Variants in UBR4 observed in about 807,000 individuals in gnomAD.
UBR4 encodes E3 ubiquitin-protein ligase UBR4.
A neutral mutation model predicts 575.6 loss-of-function variants in UBR4; 124 were observed. The observed-to-expected ratio is 0.22, with a 90% CI of 0.19 to 0.25. The LOEUF is 0.25. Ranked by LOEUF, UBR4 falls within the 10% of genes least tolerant of loss-of-function variation. The pLI, the probability that UBR4 is intolerant of heterozygous loss-of-function variation, is 1.00. For synonymous variants in UBR4, 2,455 were observed against 2,473.7 expected (o/e 0.99, Z 0.22); for missense variants, 4,818 against 6,478.8 (o/e 0.74, Z 8.80).
rs931210923 is a variant in UBR4, at chr1:19,141,722, C to T, written c.8235G>A (p.Gly2745=). The change falls in exon 56 of 106, where the codon GGG becomes GGA. Residue 2745 remains glycine, a synonymous_variant. Transcript: ENST00000375254. The part of the protein sequence containing the change: ...DDADEKMQSS[G]IPNGGHIRQE... Reference sequence around the variant, plus strand: ...GACGGATGTGACCACCATTCGGGATCCCTGATGACTGCATTTTCTCATCTG... The same window carrying T: ...GACGGATGTGACCACCATTCGGGATTCCTGATGACTGCATTTTCTCATCTG... 7 of 1,614,126 alleles carry T rather than the reference C, an allele frequency of 4.3e-6. No homozygotes were observed. The highest frequency in any genetic ancestry group is 5.9e-6 in the Non-Finnish European group (7 of 1,180,058).
At chr1:19,079,596 A>G (rs1472734088) in intron 103 of UBR4, 1 of 152,248 alleles carries the variant, frequency 6.6e-6, no homozygotes, top group Non-Finnish European at 1.5e-5. Context: ...TGTCTCTGCT[A>G]CTACCCCTTA....
rs1240397035 is a variant in UBR4, at chr1:19,100,296, G to T, written c.13221+80C>A. The T allele has an allele frequency of 1.3e-6, 2 of 1,518,576 alleles. No individual in the cohort carries two copies. Among genetic ancestry groups the T allele is most frequent in the Non-Finnish European group, 1.8e-6 (2 of 1,101,688 alleles). The allele number at this position is 1,518,576 out of a possible 1,614,324, so 94.1% of individuals were successfully genotyped here. A position where few individuals can be genotyped will look rare whatever the true frequency, so the allele number is the denominator to read the frequency against. ...CCTGCCCCAAGTTAATCAGCTACTA[G>T]GAAGAAGCACCTGGATTTGGTTAGC... is the stretch of plus-strand genomic sequence containing the variant. On this transcript the variant is annotated intron_variant, in intron 89 of 105. Coordinates refer to ENST00000375254, the MANE Select transcript of UBR4 (RefSeq NM_020765.3). The surrounding 1 kb of genome is among the most constrained non-coding windows in gnomAD (Gnocchi z 4.2).
At chr1:19,176,025 G>C (rs752699562) in intron 20 of UBR4, among the ~76,000 whole-genome samples, 1 of 152,022 alleles carries the variant, frequency 6.6e-6, no homozygotes, top group Admixed American at 6.6e-5. Context: ...GGGTTCAAGC[G>C]ATCTTCCCAC....
chr1:19,190,306 A>T (rs1250469565), intron 11 of UBR4, among the ~76,000 whole-genome samples: 2 of 91,974 alleles, frequency 2.2e-5, no homozygotes, highest in East Asian at 9.7e-4. Flanking sequence ...AAAAAAAAAA[A>T]AAAAAAATAT....
chr1:19,163,653 G>A (rs984794474), intron 34 of UBR4, 111 bp downstream of exon 34: 3 of 1,161,184 alleles, frequency 2.6e-6, no homozygotes, highest in Non-Finnish European at 3.9e-6. Context: ...CCTTATCCTT[G>A]GTAGGCTAGC....
chr1:19,078,836 C>T (rs1013605604), intron 103 of UBR4: 2 of 152,180 alleles, frequency 1.3e-5, no homozygotes, highest in African/African-American at 4.8e-5. Flanking sequence ...CAGCAGAATT[C>T]TTGGTTTGAG....
intron 17 of UBR4, 35 bp downstream of exon 17, chr1:19,183,763 AAGCTGGTGTCATG>A (rs2091254591): frequency 6.4e-7 from 1 of 1,564,866 alleles, no homozygotes. Context: ...CAGCCTATGG[AAGCTGGTGTCATG>A]AGCTCTTGCC....
chr1:19,189,639 T>C (rs2151377668), intron 11 of UBR4, among the ~76,000 whole-genome samples: 1 of 152,350 alleles, frequency 6.6e-6, no homozygotes, highest in East Asian at 1.9e-4. Context: ...GGATCATTTT[T>C]ACCTTTCCTA....
intron 105 of UBR4, among the ~76,000 whole-genome samples, chr1:19,075,757 A>T (rs2075869968): frequency 6.6e-6 from 1 of 152,154 alleles, no homozygotes; most frequent in South Asian, 2.1e-4. Flanking sequence ...ACTGAGCAAC[A>T]CTCTAGCCCT....
chr1:19,175,690 G>A (rs2090168095), intron 20 of UBR4, among the ~76,000 whole-genome samples: 1 of 152,010 alleles, frequency 6.6e-6, no homozygotes, highest in Admixed American at 6.5e-5. Flanking sequence ...CAACTCTAAG[G>A]GAAAATAAGG....
chr1:19,187,288 T>C lies in UBR4; in HGVS notation c.1508A>G (p.Asp503Gly). 2.5e-6 allele frequency: 4 copies of C among 1,613,586 alleles called. No individual in the cohort carries two copies. The highest frequency in any genetic ancestry group is 1.7e-5 in the Admixed American group (1 of 59,968). Residue 503 changes from aspartate (D) to glycine (G), a missense_variant, in exon 13 of 106, where the codon GAT becomes GGT. By Grantham distance (94) the Asp-to-Gly change is moderately conservative. Around this residue, in one of 29 missense-constraint regions of UBR4, gnomAD observed 162 missense variants for 216.4 expected, o/e 0.75. Transcript: ENST00000375254. ...VEALHKGWETDGPPAALSIMA... is the reference protein window; with the variant it reads ...VEALHKGWETGGPPAALSIMA... ...AATGCTCAAGGCTGCAGGGGGGCCA[T>C]CTGTCTCCCAACCCTGAAGGCAATG...
rs755767162 is a variant in UBR4 at position 19,164,883 on chromosome 1, G to A, written c.4427C>T (p.Pro1476Leu). The change falls in exon 32 of 106, where the codon CCA (proline) becomes CTA (leucine). Residue 1476 changes from proline (P) to leucine (L), a missense_variant. Physicochemically the swap from Pro to Leu is moderately conservative, Grantham distance 98. Around this residue, in one of 29 missense-constraint regions of UBR4, gnomAD observed 1,172 missense variants for 1,259.7 expected, o/e 0.93. Transcript: ENST00000375254. ...TACATCCAGCTGATCAGAATCTTTT[G>A]GGGGCGATGTAGTCATGCGGGTGAG... ...AWLTRMTTSP[P>L]KDSDQLDVIQ... The A allele has an allele frequency of 5.0e-6, 8 of 1,614,080 alleles. No homozygotes were observed. The highest frequency in any genetic ancestry group is 2.7e-5 in the African/African-American group (2 of 74,936).
chr1:19,078,094 A>G (rs748038610), intron 103 of UBR4, 28 bp from the exon 104 acceptor site: 4 of 1,609,134 alleles, frequency 2.5e-6, no homozygotes, highest in Non-Finnish European at 3.4e-6. Flanking sequence ...GTTCCATCAC[A>G]TGAAGTCCCT....
At chr1:19,201,199 C>T (rs1330937520) in intron 2 of UBR4, among the ~76,000 whole-genome samples, 1 of 152,054 alleles carries the variant, frequency 6.6e-6, no homozygotes, top group Non-Finnish European at 1.5e-5. Flanking sequence ...AGATTTTAGA[C>T]AAATGTAAAA....
At chr1:19,161,382 A>C (rs2087341473) in intron 37 of UBR4, among the ~76,000 whole-genome samples, 1 of 152,214 alleles carries the variant, frequency 6.6e-6, no homozygotes, top group African/African-American at 2.4e-5. Flanking sequence ...CTTAGGAAAA[A>C]CGAACTACAA....
At position 19,155,645 on chromosome 1, in the gene UBR4, G is replaced by A; in HGVS notation, c.6096C>T (p.Ala2032=). 2.5e-6 allele frequency: 4 copies of A among 1,614,108 alleles called. No individual in the cohort carries two copies. The highest frequency in any genetic ancestry group is 1.1e-5 in the South Asian group (1 of 91,078). The change falls in exon 43 of 106, where the codon GCC becomes GCT. Residue 2032 remains alanine (A), a synonymous_variant. Transcript: ENST00000375254. The stretch of plus-strand genomic sequence containing the variant: ...GGAGAAAATAGAAGGTTGGACTCAA[G>A]GCATCAACACACAGGTCATAAATCT... ...FVKIYDLCVD[A]LSPTFYFLLP... is the part of the protein sequence containing the mutation.
At chr1:19,136,223 T>C (rs1211076294) in intron 60 of UBR4, among the ~76,000 whole-genome samples, 1 of 152,088 alleles carries the variant, frequency 6.6e-6, no homozygotes, top group African/African-American at 2.4e-5. Flanking sequence ...TAATCCTGGA[T>C]GGGAGGTCTC....
chr1:19,081,628 G>T, intron 102 of UBR4, 55 bp from the exon 103 acceptor site: 1 of 1,589,408 alleles, frequency 6.3e-7, no homozygotes, highest in Non-Finnish European at 8.6e-7. Flanking sequence ...GGACCCGGCA[G>T]CAAGAGCAGG....
intron 64 of UBR4, chr1:19,125,824 G>T (rs933967097): frequency 1.9e-5 from 3 of 154,304 alleles, no homozygotes; most frequent in Non-Finnish European, 4.3e-5. Context: ...GTGAGGAAGA[G>T]ACTGGTGATA....
Sources: gnomAD v4.1 joint callset for allele counts (sites outside exome capture counted in the v4.1 genomes callset) on GRCh38, gnomAD v4.1.1 for gene constraint, gnomAD v4.1.1 regional missense constraint, Gnocchi (gnomAD v3.1) non-coding constraint, MANE v1.5 for transcripts, NCBI Gene and HGNC (gene_info 2026-07-23, HGNC 2026-07-21) for gene names.